The following NRG2 variants were observed in gnomAD, a reference collection of about 807,000 sequenced individuals.
The protein encoded by NRG2 is pro-neuregulin-2, membrane-bound isoform.
NRG2 carries 27 observed loss-of-function variants against 73.9 expected under a neutral mutation model. That is an observed-to-expected ratio of 0.37 (90% CI 0.27 to 0.50). The LOEUF (loss-of-function observed/expected upper bound fraction) is 0.50, where lower values mean the gene tolerates loss of function less well. NRG2 is among the 20% of genes least tolerant of loss of function. The pLI, the probability that NRG2 is intolerant of heterozygous loss-of-function variation, is 0.96. For missense variants in NRG2, 1,126 were observed against 1,210.1 expected (o/e 0.93, Z 1.03); for synonymous variants, 532 against 541.0 (o/e 0.98, Z 0.23).
intron 4 of NRG2, among the ~76,000 whole-genome samples, chr5:139,866,774 C>G (rs1581807049): frequency 6.6e-6 from 1 of 152,304 alleles, no homozygotes; most frequent in East Asian, 1.9e-4. Context: ...CCACAGGGTA[C>G]ACGTTCTTCT....
chr5:139,852,117 C>T lies in NRG2; in HGVS notation c.1545-286G>A, dbSNP rs1761476494. Among the ~76,000 whole-genome samples, 1 of 152,196 alleles carries T rather than the reference C, an allele frequency of 6.6e-6. No homozygotes were observed. ...CTTACCTTAGACCCCCTGTCTGGGA[C>T]CTTTCCACCACCGTGGTCCTTAGCT... On this transcript the variant is annotated intron_variant, in intron 8 of 9. Transcript: ENST00000361474. This position sits in a 1 kb window ranked among gnomAD's most constrained non-coding sequence, Gnocchi z 4.4.
chr5:139,920,752 G>GACAAA (rs561547280), intron 1 of NRG2, among the ~76,000 whole-genome samples: 224 of 152,106 alleles, frequency 1.5e-3, no homozygotes, highest in African/African-American at 2.3e-3. Context: ...GAATACTCCA[G>GACAAA]ACAAAACAAA....
intron 1 of NRG2, among the ~76,000 whole-genome samples, chr5:139,947,037 G>A (rs1266003285): frequency 1.3e-5 from 2 of 151,988 alleles, no homozygotes; most frequent in Non-Finnish European, 2.9e-5. Context: ...AAGCGTTGGT[G>A]AGGATGTGGA....
intron 1 of NRG2, among the ~76,000 whole-genome samples, chr5:140,002,793 C>A (rs540234473): frequency 6.6e-6 from 1 of 152,154 alleles, no homozygotes; most frequent in Admixed American, 6.5e-5. Flanking sequence ...GCAGAGAGAC[C>A]AATTTGAAGG....
chr5:139,983,335 G>A (rs895360720), intron 1 of NRG2, among the ~76,000 whole-genome samples: 6 of 152,194 alleles, frequency 3.9e-5, no homozygotes, highest in Admixed American at 1.3e-4. Context: ...CTGTTTCTGG[G>A]GAAGTTTCAG....
At chr5:139,948,236 A>C (rs34059020) in intron 1 of NRG2, among the ~76,000 whole-genome samples, 21,339 of 152,188 alleles carry the variant, frequency 0.14, 1,610 homozygotes, top group South Asian at 0.25. Flanking sequence ...AAAGAGGCAG[A>C]AGGCTTCTTT....
chr5:140,006,563 TTAAA>T (rs1210039785), intron 1 of NRG2, among the ~76,000 whole-genome samples: 8 of 152,212 alleles, frequency 5.3e-5, no homozygotes, highest in African/African-American at 1.9e-4. Context: ...CTGGAAGTTA[TTAAA>T]TAAATATGGA....
chr5:139,921,373 T>C (rs532521911), intron 1 of NRG2, among the ~76,000 whole-genome samples: 4 of 152,104 alleles, frequency 2.6e-5, no homozygotes, highest in African/African-American at 4.8e-5. Context: ...ATCAGGACAG[T>C]GGGGTATTGG....
intron 5 of NRG2, among the ~76,000 whole-genome samples, chr5:139,858,732 G>A (rs1362859091): frequency 6.6e-6 from 1 of 152,068 alleles, no homozygotes; most frequent in Non-Finnish European, 1.5e-5. Flanking sequence ...ATCTTGCCCT[G>A]ACAGACCTCA....
chr5:140,042,926 C>CCTGCTGCTGCCGCTCTCGCTG lies in NRG2; in HGVS notation c.143_144insCAGCGAGAGCGGCAGCAGCAG (p.Ser47_Arg48insSerSerGluSerGlySerSer). ...AGATGCTGCTGTTGTTGCTGCTGCT[C>CCTGCTGCTGCCGCTCTCGCTG]CTGCTGCTGCTGCCGCTCTCGCTGC... On this transcript the variant is annotated inframe_insertion, in exon 1 of 10. Transcript: ENST00000361474. The CCTGCTGCTGCCGCTCTCGCTG allele has an allele frequency of 6.5e-7, 1 of 1,536,352 alleles. No individual in the cohort carries two copies.
At chr5:139,943,501 A>G (rs1343221889) in intron 1 of NRG2, among the ~76,000 whole-genome samples, 1 of 151,972 alleles carries the variant, frequency 6.6e-6, no homozygotes, top group African/African-American at 2.4e-5. Flanking sequence ...TTGATTTTAA[A>G]TTTTCTAATT....
At chr5:139,971,386 C>T (rs1402527388) in intron 1 of NRG2, among the ~76,000 whole-genome samples, 2 of 152,166 alleles carry the variant, frequency 1.3e-5, no homozygotes, top group Non-Finnish European at 2.9e-5. Flanking sequence ...ACACATCTGT[C>T]CTTAGGGGGC....
intron 1 of NRG2, among the ~76,000 whole-genome samples, chr5:139,948,511 C>T (rs942898905): frequency 6.6e-6 from 1 of 152,186 alleles, no homozygotes; most frequent in Non-Finnish European, 1.5e-5. Context: ...GCCATCCTAG[C>T]TGCATCTCAA....
intron 1 of NRG2, among the ~76,000 whole-genome samples, chr5:139,903,645 G>C (rs1765028017): frequency 6.6e-6 from 1 of 152,174 alleles, no homozygotes; most frequent in African/African-American, 2.4e-5. Context: ...TCCAGGCAGG[G>C]ACAGAATCCA....
chr5:139,907,025 G>A (rs1765280572), intron 1 of NRG2, among the ~76,000 whole-genome samples: 1 of 152,134 alleles, frequency 6.6e-6, no homozygotes, highest in Admixed American at 6.5e-5. Context: ...GTGTGTATGG[G>A]ATGTGGGTAT....
Position 139,853,115 on chromosome 5 carries a change from T to C in NRG2, c.1293-88A>G. 3.2e-6 allele frequency: 5 copies of C among 1,568,014 alleles called. No individual in the cohort carries two copies. The highest frequency in any genetic ancestry group is 4.3e-6 in the Non-Finnish European group (5 of 1,156,118). ...AGCTATCTCTCTAGGGAAACAGCTT[T>C]TCCTCCTGCCCAGGGTGGCCATGGC... On this transcript the variant is annotated intron_variant, in intron 6 of 9. Coordinates refer to ENST00000361474, the MANE Select transcript of NRG2 (RefSeq NM_004883.3). The surrounding 1 kb of genome is among the most constrained non-coding windows in gnomAD (Gnocchi z 4.1).
At chr5:139,864,477 T>C (rs1287891462) in intron 5 of NRG2, among the ~76,000 whole-genome samples, 2 of 150,798 alleles carry the variant, frequency 1.3e-5, no homozygotes, top group Non-Finnish European at 2.9e-5. Flanking sequence ...GATGGGAGGA[T>C]TCAGACCACA....
At position 139,868,790 on chromosome 5, in the gene NRG2, GA is replaced by G. The variant is rs2127064334; in HGVS notation, c.1112+2930del. Among the ~76,000 whole-genome samples the G allele has an allele frequency of 6.6e-6, 1 of 152,240 alleles. No homozygotes were observed. Among genetic ancestry groups the G allele is most frequent in the African/African-American group, 2.4e-5 (1 of 41,520 alleles). ...GAGTGAAGGGCCTCTGAGTTCATGA[GA>G]GGGGTGAAGATGTGGCGAGGATGAG... On this transcript the variant is annotated intron_variant, in intron 4 of 9. Coordinates refer to ENST00000361474, the MANE Select transcript of NRG2 (RefSeq NM_004883.3). This position sits in a 1 kb window ranked among gnomAD's most constrained non-coding sequence, Gnocchi z 4.2.
chr5:139,871,629 C>T, intron 4 of NRG2, 92 bp downstream of exon 4: 1 of 1,545,170 alleles, frequency 6.5e-7, no homozygotes, highest in Non-Finnish European at 8.8e-7. Context: ...TTGTCAGTGG[C>T]TTGGAACCCT....
Sources: gnomAD v4.1 joint callset for allele counts (sites outside exome capture counted in the v4.1 genomes callset) on GRCh38, gnomAD v4.1.1 for gene constraint, Gnocchi (gnomAD v3.1) non-coding constraint, MANE v1.5 for transcripts, NCBI Gene and HGNC (gene_info 2026-07-23, HGNC 2026-07-21) for gene names.